Variants in SLC24A2 observed in about 807,000 individuals in gnomAD.
The protein encoded by SLC24A2 is sodium/potassium/calcium exchanger 2.
Under a neutral mutation model 62.0 loss-of-function variants are expected in SLC24A2, and 36 were observed. The observed-to-expected ratio is 0.58, with a 90% confidence interval of 0.44 to 0.77. The LOEUF is 0.77. Ranked by LOEUF, SLC24A2 falls within the 30% of genes least tolerant of loss-of-function variation. SLC24A2 has a pLI of 0.00. For missense variants in SLC24A2, 846 were observed against 817.9 expected (o/e 1.03, Z -0.42); for synonymous variants, 358 against 294.0 (o/e 1.22, Z -2.23).
At chr9:20,209,416 G>A in the SLC24A2 span, among the ~76,000 whole-genome samples, 3 of 152,162 alleles carry the variant, frequency 2.0e-5, no homozygotes, top group Non-Finnish European at 4.4e-5. Context: ...TCTGTGTCCT[G>A]TAAAAATATT....
At chr9:19,918,237 G>T in the SLC24A2 span, among the ~76,000 whole-genome samples, 1 of 150,712 alleles carries the variant, frequency 6.6e-6, no homozygotes, top group African/African-American at 2.4e-5. Flanking sequence ...TATTTTATTT[G>T]GTTGTAGTAT....
chr9:20,245,158 C>T, the SLC24A2 span, among the ~76,000 whole-genome samples: 1 of 152,122 alleles, frequency 6.6e-6, no homozygotes, highest in African/African-American at 2.4e-5. Flanking sequence ...ATCCATGGTT[C>T]CTGCCCTCAA....
chr9:19,953,439 G>A, the SLC24A2 span, among the ~76,000 whole-genome samples: 2 of 151,962 alleles, frequency 1.3e-5, no homozygotes, highest in Admixed American at 1.3e-4. Flanking sequence ...TTATTATCTA[G>A]TACTCTGCCT....
At chr9:20,301,288 G>T in the SLC24A2 span, among the ~76,000 whole-genome samples, 3 of 152,088 alleles carry the variant, frequency 2.0e-5, no homozygotes, top group African/African-American at 4.8e-5. Flanking sequence ...ACTGGCAATT[G>T]CTTCACATCC....
chr9:20,039,286 G>A, the SLC24A2 span, among the ~76,000 whole-genome samples: 5 of 152,080 alleles, frequency 3.3e-5, no homozygotes, highest in Non-Finnish European at 5.9e-5. Flanking sequence ...GCCACCCTGG[G>A]CCTGTCCTGG....
In SLC24A2 at chr9:19,616,695, G is replaced by A. The variant is rs184756403; in HGVS notation, c.1078+2889C>T. 7.0e-4 allele frequency among the ~76,000 whole-genome samples: 107 copies of A among 152,266 alleles called. 2 individuals are homozygous for A. The highest frequency in any genetic ancestry group is 1.2e-3 in the Non-Finnish European group (80 of 68,006). On this transcript the variant is annotated intron_variant, in intron 4 of 10. Transcript: ENST00000341998. Reference sequence around the variant, plus strand: ...GTGGGTAACTAGTGAATAAAATAGAGTCCCTGGTCTCAAGAAACTTCCTGT... The same window carrying A: ...GTGGGTAACTAGTGAATAAAATAGAATCCCTGGTCTCAAGAAACTTCCTGT...
At chr9:19,821,064 TA>T in the SLC24A2 span, among the ~76,000 whole-genome samples, 2 of 152,222 alleles carry the variant, frequency 1.3e-5, no homozygotes, top group South Asian at 4.1e-4. Context: ...TAAATTTTTT[TA>T]GTGGATAGTT....
chr9:19,585,656 G>C (rs1049156638), intron 5 of SLC24A2, among the ~76,000 whole-genome samples: 1 of 152,176 alleles, frequency 6.6e-6, no homozygotes, highest in Non-Finnish European at 1.5e-5. Context: ...TGTAGCTATA[G>C]CTGTCTTTAT....
chr9:20,257,312 GAA>G, the SLC24A2 span, among the ~76,000 whole-genome samples: 5,173 of 152,242 alleles, frequency 0.034, 119 homozygotes, highest in African/African-American at 0.049. Flanking sequence ...AAAAACAAGA[GAA>G]ACACTCAATC....
chr9:20,016,563 T>C, the SLC24A2 span, among the ~76,000 whole-genome samples: 1 of 152,238 alleles, frequency 6.6e-6, no homozygotes, highest in Non-Finnish European at 1.5e-5. Flanking sequence ...ATTCTATGCA[T>C]AATTCAAGAT....
chr9:19,956,148 T>C, the SLC24A2 span, among the ~76,000 whole-genome samples: 2 of 152,142 alleles, frequency 1.3e-5, no homozygotes, highest in South Asian at 4.1e-4. Context: ...ACGCTCTACG[T>C]TTAGCTTTTA....
chr9:19,756,903 C>CTTTTTTTT (rs780450451), intron 2 of SLC24A2, among the ~76,000 whole-genome samples: 902 of 78,498 alleles, frequency 0.011, 151 homozygotes, highest in South Asian at 0.051. Context: ...TTTACTGAAG[C>CTTTTTTTT]TTTTTTTTTT....
At chr9:19,627,483 G>C (rs1818063160) in intron 2 of SLC24A2, among the ~76,000 whole-genome samples, 1 of 151,872 alleles carries the variant, frequency 6.6e-6, no homozygotes, top group Non-Finnish European at 1.5e-5. Flanking sequence ...TAACTGACAA[G>C]TTAAATCTAC....
the SLC24A2 span, among the ~76,000 whole-genome samples, chr9:20,127,986 A>G: frequency 2.6e-5 from 4 of 152,084 alleles, no homozygotes; most frequent in Non-Finnish European, 5.9e-5. Context: ...ACCAATGCCT[A>G]CTACGTAGTA....
the SLC24A2 span, among the ~76,000 whole-genome samples, chr9:20,235,268 T>A: frequency 6.6e-6 from 1 of 152,232 alleles, no homozygotes; most frequent in Non-Finnish European, 1.5e-5. Flanking sequence ...ACAGGGACAT[T>A]TAAGTCTGCA....
intron 7 of SLC24A2, among the ~76,000 whole-genome samples, chr9:19,565,609 G>C (rs1245408781): frequency 6.6e-6 from 1 of 151,984 alleles, no homozygotes; most frequent in African/African-American, 2.4e-5. Context: ...CACAGAATTG[G>C]AAAAAACTAA....
the SLC24A2 span, among the ~76,000 whole-genome samples, chr9:20,222,018 TACA>T: frequency 6.6e-6 from 1 of 152,060 alleles, no homozygotes; most frequent in African/African-American, 2.4e-5. Flanking sequence ...TTTTTGAAGA[TACA>T]ACAAAAGCTC....
At chr9:19,902,836 G>T in the SLC24A2 span, among the ~76,000 whole-genome samples, 1 of 152,180 alleles carries the variant, frequency 6.6e-6, no homozygotes, top group Non-Finnish European at 1.5e-5. Context: ...CTGAGATATA[G>T]TGTGAGTATG....
At chr9:20,121,450 G>C in the SLC24A2 span, among the ~76,000 whole-genome samples, 2 of 152,176 alleles carry the variant, frequency 1.3e-5, no homozygotes, top group African/African-American at 4.8e-5. Context: ...TTTATGGGAA[G>C]ATCATGTGCA....
Sources: gnomAD v4.1 joint callset for allele counts (sites outside exome capture counted in the v4.1 genomes callset) on GRCh38, gnomAD v4.1.1 for gene constraint, MANE v1.5 for transcripts, NCBI Gene and HGNC (gene_info 2026-07-23, HGNC 2026-07-21) for gene names.